The following SGMS1 variants were observed in gnomAD, a reference collection of about 807,000 sequenced individuals.
SGMS1 encodes the protein phosphatidylcholine:ceramide cholinephosphotransferase 1.
A neutral mutation model predicts 46.2 loss-of-function variants in SGMS1; 13 were observed. That is an observed-to-expected ratio of 0.28 (90% CI 0.18 to 0.45). The LOEUF (loss-of-function observed/expected upper bound fraction) is 0.45, where lower values mean the gene tolerates loss of function less well. Ranked by LOEUF, SGMS1 falls within the 20% of genes least tolerant of loss-of-function variation. The pLI is 1.00. For missense variants in SGMS1, 324 were observed against 519.9 expected (o/e 0.62, Z 3.66); for synonymous variants, 203 against 187.8 (o/e 1.08, Z -0.66).
chr10:50,563,841 G>A (rs1838264651), intron 2 of SGMS1, among the ~76,000 whole-genome samples: 1 of 151,718 alleles, frequency 6.6e-6, no homozygotes, highest in African/African-American at 2.4e-5. Context: ...GGAATCCACA[G>A]GCCCAGGGTT....
intron 6 of SGMS1, among the ~76,000 whole-genome samples, chr10:50,357,844 T>G (rs914770507): frequency 4.6e-5 from 7 of 152,206 alleles, no homozygotes; most frequent in African/African-American, 1.7e-4. Context: ...AGCTGGCGTA[T>G]CAGTGAAGAA....
chr10:50,512,544 GCAATGA>G (rs1837766242), intron 3 of SGMS1, among the ~76,000 whole-genome samples: 1 of 152,112 alleles, frequency 6.6e-6, no homozygotes. Context: ...TGTGCACAAG[GCAATGA>G]CCTGGGTTTG....
intron 2 of SGMS1, among the ~76,000 whole-genome samples, chr10:50,570,190 C>G (rs1050662407): frequency 2.6e-5 from 4 of 152,160 alleles, no homozygotes; most frequent in South Asian, 2.1e-4. Flanking sequence ...ACTAATTGAA[C>G]CAGCCTTCCT....
At chr10:50,574,034 A>C (rs1017150885) in intron 2 of SGMS1, among the ~76,000 whole-genome samples, 2 of 152,220 alleles carry the variant, frequency 1.3e-5, no homozygotes, top group African/African-American at 2.4e-5. Flanking sequence ...AAAATGGATT[A>C]AGGATTTGTA....
At chr10:50,540,806 G>A (rs1258975069) in intron 2 of SGMS1, among the ~76,000 whole-genome samples, 1 of 152,134 alleles carries the variant, frequency 6.6e-6, no homozygotes, top group Non-Finnish European at 1.5e-5. Flanking sequence ...GTTGAGTCCT[G>A]CAGGTTTGTT....
chr10:50,528,291 T>C (rs1054109522), intron 2 of SGMS1, among the ~76,000 whole-genome samples: 17 of 152,208 alleles, frequency 1.1e-4, no homozygotes, highest in African/African-American at 4.1e-4. Context: ...AGCTGTGTAT[T>C]GAGGGACGAC....
chr10:50,579,022 T>G (rs1838409520), intron 2 of SGMS1, among the ~76,000 whole-genome samples: 1 of 151,918 alleles, frequency 6.6e-6, no homozygotes, highest in Non-Finnish European at 1.5e-5. Flanking sequence ...AAAAAGCAAC[T>G]TGAAGGAAAT....
intron 2 of SGMS1, among the ~76,000 whole-genome samples, chr10:50,553,876 T>A (rs1482726279): frequency 6.6e-6 from 1 of 152,212 alleles, no homozygotes; most frequent in Non-Finnish European, 1.5e-5. Context: ...TATCTTAATA[T>A]TTAGTTATAC....
intron 8 of SGMS1, among the ~76,000 whole-genome samples, chr10:50,321,389 A>G (rs976299800): frequency 1.3e-5 from 2 of 152,214 alleles, no homozygotes; most frequent in Admixed American, 6.5e-5. Context: ...TTTATTTAAA[A>G]TGAAAACATC....
intron 6 of SGMS1, among the ~76,000 whole-genome samples, chr10:50,392,334 T>C (rs1224649616): frequency 6.6e-6 from 1 of 152,210 alleles, no homozygotes; most frequent in Non-Finnish European, 1.5e-5. Context: ...TATATCCATT[T>C]AGAGAGTCTT....
intron 6 of SGMS1, among the ~76,000 whole-genome samples, chr10:50,401,968 C>T (rs1023720112): frequency 1.3e-5 from 2 of 152,176 alleles, no homozygotes; most frequent in African/African-American, 2.4e-5. Flanking sequence ...AAAGATGGAC[C>T]AAAGTGGTAC....
intron 6 of SGMS1, among the ~76,000 whole-genome samples, chr10:50,428,497 G>A (rs537130951): frequency 2.0e-5 from 3 of 152,248 alleles, no homozygotes; most frequent in South Asian, 2.1e-4. Flanking sequence ...ACAATAATAT[G>A]AGCTGCCACA....
intron 2 of SGMS1, among the ~76,000 whole-genome samples, chr10:50,546,577 A>G (rs1369529575): frequency 2.6e-5 from 4 of 152,336 alleles, no homozygotes; most frequent in South Asian, 4.1e-4. Flanking sequence ...TTGTAGGGAC[A>G]TGGATGAAGC....
intron 6 of SGMS1, among the ~76,000 whole-genome samples, chr10:50,404,221 T>C (rs541748422): frequency 6.6e-6 from 1 of 152,170 alleles, no homozygotes; most frequent in East Asian, 1.9e-4. Context: ...AATTTTTAAC[T>C]TACCAGATTG....
intron 3 of SGMS1, among the ~76,000 whole-genome samples, chr10:50,499,967 G>A (rs1328214948): frequency 1.3e-5 from 2 of 152,196 alleles, no homozygotes; most frequent in African/African-American, 4.8e-5. Flanking sequence ...TGGAGTTCGA[G>A]ACCAGCCTGA....
chr10:50,623,754 C>A lies in SGMS1; in HGVS notation c.-731G>T, dbSNP rs1290294885. Reference sequence around the variant, plus strand: ...GCCGGAATTCCGCTCGCGGAGCCCCCGCCGCGGAATGAAATCCGGGGCAGG... The same window carrying A: ...GCCGGAATTCCGCTCGCGGAGCCCCAGCCGCGGAATGAAATCCGGGGCAGG... On this transcript the variant is annotated 5_prime_UTR_variant, in exon 1 of 11. Coordinates refer to ENST00000361781, the MANE Select transcript of SGMS1 (RefSeq NM_147156.4). 12 of 985,312 alleles carry A rather than the reference C, an allele frequency of 1.2e-5. No individual in the cohort carries two copies. Among genetic ancestry groups the A allele is most frequent in the Non-Finnish European group, 1.4e-5 (12 of 829,946 alleles). The allele number at this position is 985,312 out of a possible 1,614,324, so 61.0% of individuals were successfully genotyped here.
chr10:50,598,538 T>C (rs536221554), intron 1 of SGMS1, among the ~76,000 whole-genome samples: 1 of 152,294 alleles, frequency 6.6e-6, no homozygotes, highest in Non-Finnish European at 1.5e-5. Context: ...TCTTGGTGAA[T>C]GGCTGGATAT....
upstream of SGMS1, chr10:50,624,761 T>G (rs1403287978): frequency 9.1e-6 from 9 of 985,312 alleles, no homozygotes; most frequent in African/African-American, 1.7e-5. Flanking sequence ...CAAGTTAGGA[T>G]GGACAGCGGG....
At chr10:50,432,222 G>A (rs989960238) in intron 6 of SGMS1, among the ~76,000 whole-genome samples, 2 of 152,058 alleles carry the variant, frequency 1.3e-5, no homozygotes, top group Non-Finnish European at 2.9e-5. Context: ...TAGCAAGCTG[G>A]TTGTTAAACA....
Sources: gnomAD v4.1 joint callset for allele counts (sites outside exome capture counted in the v4.1 genomes callset) on GRCh38, gnomAD v4.1.1 for gene constraint, MANE v1.5 for transcripts, NCBI Gene and HGNC (gene_info 2026-07-23, HGNC 2026-07-21) for gene names.